The following EHBP1 variants were observed in gnomAD, a reference collection of about 807,000 sequenced individuals.
The protein encoded by EHBP1 is EH domain-binding protein 1.
A neutral mutation model predicts 144.0 loss-of-function variants in EHBP1; 55 were observed. The ratio of observed to expected loss-of-function variants is 0.38; its 90% CI spans 0.31 to 0.48. The LOEUF (loss-of-function observed/expected upper bound fraction) is 0.48, where lower values mean the gene tolerates loss of function less well. EHBP1 is among the 20% of genes least tolerant of loss of function. EHBP1 has a pLI of 0.98. For missense variants in EHBP1, 1,200 were observed against 1,364.2 expected (o/e 0.88, Z 1.90); for synonymous variants, 469 against 472.7 (o/e 0.99, Z 0.10).
At chr2:62,751,821 G>A (rs181339150) in intron 3 of EHBP1, among the ~76,000 whole-genome samples, 37 of 152,094 alleles carry the variant, frequency 2.4e-4, no homozygotes, top group African/African-American at 8.0e-4. Context: ...TTATGGGATC[G>A]GTGGTGATAT....
At chr2:62,692,422 C>G (rs892977795) in intron 1 of EHBP1, among the ~76,000 whole-genome samples, 1 of 152,172 alleles carries the variant, frequency 6.6e-6, no homozygotes, top group Non-Finnish European at 1.5e-5. Flanking sequence ...GTCATAGTAG[C>G]TCTACATTTA....
At chr2:62,726,811 A>G (rs370412514) in intron 2 of EHBP1, 2 of 151,774 alleles carry the variant, frequency 1.3e-5, no homozygotes, top group East Asian at 3.9e-4. Flanking sequence ...AAATCCTCCC[A>G]TCCTGTTGAA....
intron 10 of EHBP1, among the ~76,000 whole-genome samples, chr2:62,935,649 G>A (rs777584025): frequency 1.8e-4 from 28 of 151,838 alleles, no homozygotes; most frequent in African/African-American, 4.3e-4. Flanking sequence ...TGTAAATAAC[G>A]TTTTACAATT....
chr2:62,863,840 G>GTGTTTTTT, intron 8 of EHBP1, among the ~76,000 whole-genome samples: 1 of 82,734 alleles, frequency 1.2e-5, no homozygotes, highest in Non-Finnish European at 2.1e-5. Flanking sequence ...TTTCTGTGTT[G>GTGTTTTTT]TTTTTTTTTT....
At chr2:62,921,794 C>T (rs2153007659) in intron 10 of EHBP1, among the ~76,000 whole-genome samples, 1 of 152,294 alleles carries the variant, frequency 6.6e-6, no homozygotes, top group African/African-American at 2.4e-5. Flanking sequence ...AGAACAGACC[C>T]ATAACATAAA....
chr2:62,861,461 C>T (rs2049540082), intron 8 of EHBP1, among the ~76,000 whole-genome samples: 2 of 149,504 alleles, frequency 1.3e-5, no homozygotes, highest in African/African-American at 2.4e-5. Flanking sequence ...TACTAAATGT[C>T]GGCCGGGCGC....
At chr2:63,011,868 A>C (rs1442513546) in intron 19 of EHBP1, among the ~76,000 whole-genome samples, 1 of 151,994 alleles carries the variant, frequency 6.6e-6, no homozygotes, top group Non-Finnish European at 1.5e-5. Context: ...GAACTAATTC[A>C]GTCATTATGA....
At chr2:62,756,768 CAAAAAAAAAAAA>C (rs34717027) in intron 3 of EHBP1, among the ~76,000 whole-genome samples, 4 of 76,662 alleles carry the variant, frequency 5.2e-5, no homozygotes, top group African/African-American at 2.0e-4. Flanking sequence ...AACTCTATCT[CAAAAAAAAAAAA>C]AAAAAAAAAG....
chr2:62,868,131 T>C (rs2152824678), intron 9 of EHBP1, among the ~76,000 whole-genome samples: 1 of 152,176 alleles, frequency 6.6e-6, no homozygotes, highest in Admixed American at 6.5e-5. Flanking sequence ...TCACAGCACT[T>C]TGGGAGGCCG....
intron 19 of EHBP1, among the ~76,000 whole-genome samples, chr2:63,016,487 A>G (rs569078777): frequency 2.1e-4 from 32 of 151,510 alleles, no homozygotes; most frequent in African/African-American, 7.5e-4. Flanking sequence ...CTGGAGTGCA[A>G]TGGTGTCATC....
In EHBP1 at chr2:62,942,507, G is replaced by C. The variant is rs150220446; in HGVS notation, c.1186-211G>C. 6.0e-4 allele frequency among the ~76,000 whole-genome samples: 92 copies of C among 152,292 alleles called. No homozygotes were observed. In the East Asian group the frequency reaches 0.014, roughly 23 times the overall value. On this transcript the variant is annotated intron_variant, in intron 10 of 22. Coordinates refer to ENST00000431489, the MANE Select transcript of EHBP1 (RefSeq NM_001142616.3). ...TATAAGTTTAAAATCTTGCATATCT[G>C]CATCCTTGTCAGGCAAATGCCAAGG...
chr2:62,962,265 G>A lies in EHBP1; in HGVS notation c.2460+6605G>A, dbSNP rs529958545. On this transcript the variant is annotated intron_variant, in intron 14 of 22. Coordinates refer to ENST00000431489, the MANE Select transcript of EHBP1 (RefSeq NM_001142616.3). ...CGCTTGAACCCAGGAGGCAGAGGTT[G>A]CAGTGAGCCAAGATTGTGCCACTGC... Among the ~76,000 whole-genome samples, 4 of 152,328 alleles carry A rather than the reference G, an allele frequency of 2.6e-5. No individual in the cohort carries two copies. In the South Asian group the frequency reaches 8.3e-4, roughly 32 times the overall value.
At chr2:62,702,381 A>G (rs1479672535), upstream of EHBP1, among the ~76,000 whole-genome samples, 2 of 152,238 alleles carry the variant, frequency 1.3e-5, no homozygotes, top group Non-Finnish European at 2.9e-5. Context: ...GAGACGATAA[A>G]TCAAGATCCG....
At chr2:62,840,292 G>A (rs1439149926) in intron 7 of EHBP1, among the ~76,000 whole-genome samples, 13 of 145,342 alleles carry the variant, frequency 8.9e-5, no homozygotes, top group African/African-American at 1.8e-4. Flanking sequence ...CCATATGTAG[G>A]AAGCTGAAAC....
At chr2:62,696,707 C>T (rs1246834040) in intron 1 of EHBP1, among the ~76,000 whole-genome samples, 2 of 151,250 alleles carry the variant, frequency 1.3e-5, no homozygotes, top group African/African-American at 4.9e-5. Flanking sequence ...TTAGTAGAGA[C>T]GGGGTTTCAC....
At chr2:62,859,722 A>G (rs1399469449) in intron 8 of EHBP1, among the ~76,000 whole-genome samples, 2 of 152,206 alleles carry the variant, frequency 1.3e-5, no homozygotes, top group Non-Finnish European at 2.9e-5. Flanking sequence ...ATGTGAAAAC[A>G]TGGAGCAGAG....
intron 7 of EHBP1, among the ~76,000 whole-genome samples, chr2:62,836,527 G>A (rs1242334532): frequency 2.1e-5 from 3 of 142,002 alleles, no homozygotes; most frequent in East Asian, 4.1e-4. Flanking sequence ...GGCTTCAGAC[G>A]ATCAAATTAC....
chr2:62,871,112 T>G (rs902139810), intron 9 of EHBP1, among the ~76,000 whole-genome samples: 1 of 152,204 alleles, frequency 6.6e-6, no homozygotes, highest in Non-Finnish European at 1.5e-5. Context: ...TCATGGGTGG[T>G]GTAGGTGCTG....
At chr2:62,911,526 A>G (rs943774702) in intron 10 of EHBP1, among the ~76,000 whole-genome samples, 2 of 152,098 alleles carry the variant, frequency 1.3e-5, no homozygotes, top group Non-Finnish European at 2.9e-5. Flanking sequence ...CAGTGGCACA[A>G]TTTTGGCTCA....
Sources: allele counts gnomAD v4.1 joint callset (sites outside exome capture counted in the v4.1 genomes callset), GRCh38; gene constraint gnomAD v4.1.1; transcripts MANE v1.5; gene names NCBI Gene and HGNC (gene_info 2026-07-23, HGNC 2026-07-21).